Variants in NRXN3 observed in about 807,000 individuals in gnomAD.
The protein encoded by NRXN3 is neurexin III.
In NRXN3, 32 loss-of-function variants were observed where a neutral mutation model predicts 137.6. The ratio of observed to expected loss-of-function variants is 0.23; its 90% CI spans 0.18 to 0.31. The LOEUF (loss-of-function observed/expected upper bound fraction) is 0.31. Among genes scored for constraint, NRXN3 ranks in the 10% least tolerant of loss-of-function variants. NRXN3 has a pLI of 1.00. For missense variants in NRXN3, 1,574 were observed against 2,062.5 expected (o/e 0.76, Z 4.59); for synonymous variants, 798 against 784.5 (o/e 1.02, Z -0.29).
chr14:78,288,193 T>A (rs1228267857), intron 3 of NRXN3, among the ~76,000 whole-genome samples: 1 of 152,186 alleles, frequency 6.6e-6, no homozygotes, highest in Admixed American at 6.5e-5. Context: ...TTGGCCAAGC[T>A]GGTCTTAAAC....
chr14:79,690,638 G>C (rs1237890525), intron 17 of NRXN3, among the ~76,000 whole-genome samples: 1 of 152,044 alleles, frequency 6.6e-6, no homozygotes, highest in South Asian at 2.1e-4. Flanking sequence ...ATATGAGTCA[G>C]CTTGTTAGAA....
At chr14:79,528,374 T>G (rs1184108307) in intron 16 of NRXN3, among the ~76,000 whole-genome samples, 6 of 152,186 alleles carry the variant, frequency 3.9e-5, no homozygotes. Flanking sequence ...TACTTCAATC[T>G]AATATTTTAG....
At chr14:78,374,278 C>CA (rs1450709606) in intron 4 of NRXN3, among the ~76,000 whole-genome samples, 1 of 152,102 alleles carries the variant, frequency 6.6e-6, no homozygotes, top group Non-Finnish European at 1.5e-5. Flanking sequence ...GTACTCCAAG[C>CA]AAATCTTTAG....
chr14:78,223,160 A>G (rs1365300687), intron 1 of NRXN3, among the ~76,000 whole-genome samples: 2 of 152,186 alleles, frequency 1.3e-5, no homozygotes, highest in East Asian at 3.8e-4. Flanking sequence ...TCACGTGAAA[A>G]TGTTTCAGAC....
At chr14:79,846,178 C>CA (rs1208530019) in intron 20 of NRXN3, among the ~76,000 whole-genome samples, 2 of 152,140 alleles carry the variant, frequency 1.3e-5, no homozygotes, top group African/African-American at 4.8e-5. Flanking sequence ...ATGGTGCCAA[C>CA]AGAGTTCCTG....
At chr14:78,610,836 G>T (rs1014084687) in intron 4 of NRXN3, among the ~76,000 whole-genome samples, 7 of 152,204 alleles carry the variant, frequency 4.6e-5, no homozygotes, top group African/African-American at 1.7e-4. Context: ...CCACTCAGCT[G>T]CTGTAGAATA....
intron 15 of NRXN3, among the ~76,000 whole-genome samples, chr14:79,392,904 A>T (rs561079547): frequency 7.5e-6 from 1 of 133,310 alleles, no homozygotes; most frequent in African/African-American, 2.8e-5. Flanking sequence ...CAAGAGGCAG[A>T]GGTTGCAGTG....
chr14:78,793,835 A>G (rs1046483587), intron 8 of NRXN3, among the ~76,000 whole-genome samples: 4 of 152,138 alleles, frequency 2.6e-5, no homozygotes, highest in African/African-American at 7.2e-5. Flanking sequence ...GCTTGCAAAA[A>G]CACTCTTACC....
intron 4 of NRXN3, among the ~76,000 whole-genome samples, chr14:78,416,348 A>G (rs1038766269): frequency 3.3e-5 from 5 of 152,196 alleles, no homozygotes; most frequent in African/African-American, 1.2e-4. Flanking sequence ...TGAGCCCTGA[A>G]TAAAGGATAG....
Position 79,738,445 on chromosome 14 carries a change from C to G in NRXN3, c.4014+40508C>G, listed in dbSNP as rs1196469300. On this transcript the variant is annotated intron_variant, in intron 19 of 20. Coordinates refer to ENST00000335750, the MANE Select transcript of NRXN3 (RefSeq NM_001330195.2). ...TGCCAGAACAGTCAAGAAACAGATT[C>G]TCTTTTAGGGTCTTCAGAGAGAATG... Among the ~76,000 whole-genome samples the G allele has an allele frequency of 2.0e-5, 3 of 152,226 alleles. No individual in the cohort carries two copies. In the East Asian group the frequency reaches 5.8e-4, roughly 29 times the overall value.
intron 16 of NRXN3, among the ~76,000 whole-genome samples, chr14:79,495,856 A>G (rs562436700): frequency 7.9e-5 from 12 of 152,024 alleles, no homozygotes; most frequent in Admixed American, 2.0e-4. Context: ...TTAAATTAGC[A>G]TCTTGAGAAA....
At chr14:78,663,638 G>A (rs2097858115) in intron 6 of NRXN3, among the ~76,000 whole-genome samples, 1 of 152,168 alleles carries the variant, frequency 6.6e-6, no homozygotes, top group Admixed American at 6.5e-5. Flanking sequence ...CAAATAAGGA[G>A]CAGCTACTAT....
intron 4 of NRXN3, among the ~76,000 whole-genome samples, chr14:78,466,570 G>T (rs76961387): frequency 0.035 from 5,282 of 152,254 alleles, 301 homozygotes; most frequent in East Asian, 0.31. Context: ...GAGAACCTTG[G>T]ATGCTTTGCT....
At chr14:78,601,241 A>T (rs947822056) in intron 4 of NRXN3, among the ~76,000 whole-genome samples, 6 of 152,206 alleles carry the variant, frequency 3.9e-5, no homozygotes, top group African/African-American at 1.4e-4. Flanking sequence ...AGTGACTATA[A>T]CAAAAACTTT....
At chr14:78,558,989 T>C (rs2096763414) in intron 4 of NRXN3, among the ~76,000 whole-genome samples, 2 of 152,200 alleles carry the variant, frequency 1.3e-5, no homozygotes, top group Admixed American at 1.3e-4. Flanking sequence ...CAGACACATA[T>C]CTCACATTTT....
rs200126846 is a variant in NRXN3 at position 79,550,934 on chromosome 14, G to GA, written c.3444+83533dup. Reference sequence around the variant, plus strand: ...ATGAGCACAAATAAGTGGGATGAGGGAGACATAAACAAAAGTTCCTAAAGT... The same window carrying GA: ...ATGAGCACAAATAAGTGGGATGAGGGAAGACATAAACAAAAGTTCCTAAAGT... On this transcript the variant is annotated intron_variant, in intron 16 of 20. Coordinates refer to ENST00000335750, the MANE Select transcript of NRXN3 (RefSeq NM_001330195.2). Among the ~76,000 whole-genome samples the GA allele has an allele frequency of 6.2e-3, 945 of 152,256 alleles. 11 individuals are homozygous for GA. Among genetic ancestry groups the GA allele is most frequent in the Middle Eastern group, 0.037 (11 of 294 alleles).
chr14:79,133,298 C>G (rs925577663), intron 15 of NRXN3, among the ~76,000 whole-genome samples: 20 of 152,176 alleles, frequency 1.3e-4, no homozygotes, highest in African/African-American at 4.8e-4. Flanking sequence ...TCCTTCATCT[C>G]TGGCTTAGCT....
intron 4 of NRXN3, among the ~76,000 whole-genome samples, chr14:78,628,071 C>CT (rs58835983): frequency 0.012 from 1,569 of 134,056 alleles, 28 homozygotes; most frequent in African/African-American, 0.032. Flanking sequence ...TTGCAGAGTT[C>CT]TTTTTTTTTT....
Position 79,284,343 on chromosome 14 carries a change from C to CATATATAT in NRXN3, c.3263-182843_3263-182836dup, listed in dbSNP as rs60596302. Among the ~76,000 whole-genome samples, 647 of 65,018 alleles carry CATATATAT rather than the reference C, an allele frequency of 1.0e-2. 39 individuals carry two copies. Among genetic ancestry groups the CATATATAT allele is most frequent in the Non-Finnish European group, 0.013 (443 of 33,966 alleles). 42.7% of individuals were successfully genotyped at this position (65,018 alleles called of 152,430 possible). On this transcript the variant is annotated intron_variant, in intron 15 of 20. Transcript: ENST00000335750. The stretch of plus-strand genomic sequence containing the variant: ...GGAAACCCCGTCTCTACTAAAAATA[C>CATATATAT]ATATATATATATATATATATATATA...
Sources: allele counts gnomAD v4.1 joint callset (sites outside exome capture counted in the v4.1 genomes callset), GRCh38; gene constraint gnomAD v4.1.1; transcripts MANE v1.5; gene names NCBI Gene and HGNC (gene_info 2026-07-23, HGNC 2026-07-21).